LINGO2: variants seen among roughly 807,000 people sequenced by gnomAD.
LINGO2 encodes the protein leucine-rich repeat and immunoglobulin-like domain-containing nogo receptor-interacting protein 2.
In LINGO2, 14 loss-of-function variants were observed where a neutral mutation model predicts 30.6. The ratio of observed to expected loss-of-function variants is 0.46; its 90% CI spans 0.30 to 0.72. The LOEUF (loss-of-function observed/expected upper bound fraction) is 0.72, where lower values mean the gene tolerates loss of function less well. Among genes scored for constraint, LINGO2 ranks in the 30% least tolerant of loss-of-function variants. The pLI, the probability that LINGO2 is intolerant of heterozygous loss-of-function variation, is 0.07. For missense variants in LINGO2, 729 were observed against 751.7 expected, an observed-to-expected ratio of 0.97 and a Z score of 0.35; for synonymous variants, 317 against 288.5, an observed-to-expected ratio of 1.10 and a Z score of -1.00.
At chr9:29,095,110 CTT>C in the LINGO2 span, among the ~76,000 whole-genome samples, 8 of 138,536 alleles carry the variant, frequency 5.8e-5, 1 homozygote, top group African/African-American at 2.2e-4. Flanking sequence ...GAGTGCTTCT[CTT>C]TGTTTCATAC....
At chr9:28,133,365 A>G (rs1025927065) in intron 4 of LINGO2, among the ~76,000 whole-genome samples, 1 of 152,166 alleles carries the variant, frequency 6.6e-6, no homozygotes, top group African/African-American at 2.4e-5. Flanking sequence ...TGTCTGCTTC[A>G]TATTTATAAT....
intron 4 of LINGO2, among the ~76,000 whole-genome samples, chr9:28,102,854 T>C (rs1220280266): frequency 1.3e-5 from 2 of 152,148 alleles, no homozygotes; most frequent in Non-Finnish European, 2.9e-5. Flanking sequence ...CATTCTTCCA[T>C]GGAAGCCTGG....
At chr9:28,749,634 T>G in the LINGO2 span, among the ~76,000 whole-genome samples, 3 of 152,162 alleles carry the variant, frequency 2.0e-5, no homozygotes, top group Admixed American at 2.0e-4. Flanking sequence ...TTTATGTTAT[T>G]TTTTAAAATA....
the LINGO2 span, among the ~76,000 whole-genome samples, chr9:28,860,993 T>C: frequency 2.8e-5 from 3 of 107,718 alleles, no homozygotes; most frequent in African/African-American, 1.1e-4. Context: ...TATAATATAT[T>C]ATATTTATTA....
In LINGO2 at chr9:28,210,631, T is replaced by C. The variant is rs371209748; in HGVS notation, c.-87+84577A>G. 9.9e-5 allele frequency among the ~76,000 whole-genome samples: 15 copies of C among 151,728 alleles called. No homozygotes were observed. The South Asian group carries it at 2.9e-3, about 29-fold the overall frequency. On this transcript the variant is annotated intron_variant, in intron 4 of 5. Coordinates refer to ENST00000379992, the Ensembl canonical transcript of LINGO2. ...TGTACTTAATGTGACAGAATTACAA[T>C]CTTCTGCACCTATGTAAATTTGTGT...
chr9:28,851,939 G>A, the LINGO2 span, among the ~76,000 whole-genome samples: 2 of 151,590 alleles, frequency 1.3e-5, no homozygotes, highest in African/African-American at 4.8e-5. Flanking sequence ...AACTCAAGAG[G>A]TGACAATACT....
chr9:28,791,686 A>C, the LINGO2 span, among the ~76,000 whole-genome samples: 1 of 151,986 alleles, frequency 6.6e-6, no homozygotes, highest in Admixed American at 6.6e-5. Context: ...TGAATTAATA[A>C]ACAATCTAGA....
chr9:28,723,086 A>C, the LINGO2 span, among the ~76,000 whole-genome samples: 1 of 152,138 alleles, frequency 6.6e-6, no homozygotes, highest in Admixed American at 6.6e-5. Flanking sequence ...ATGTACACAC[A>C]GGTTTATTAA....
At chr9:28,512,599 A>G (rs1434961360) in intron 1 of LINGO2, among the ~76,000 whole-genome samples, 1,932 of 5,530 alleles carry the variant, frequency 0.35, 157 homozygotes, top group African/African-American at 0.4. Flanking sequence ...GTGTGTATAT[A>G]TATATATATA....
At chr9:28,200,514 A>T (rs927347586) in intron 4 of LINGO2, among the ~76,000 whole-genome samples, 2 of 151,834 alleles carry the variant, frequency 1.3e-5, no homozygotes, top group Non-Finnish European at 2.9e-5. Context: ...AAAAAAAAAA[A>T]TAACCATTTA....
At chr9:28,639,522 T>G (rs1446827601) in intron 1 of LINGO2, among the ~76,000 whole-genome samples, 1 of 152,212 alleles carries the variant, frequency 6.6e-6, no homozygotes, top group Non-Finnish European at 1.5e-5. Context: ...GGTGCATATA[T>G]ATTTAGGATA....
chr9:28,809,582 A>G, the LINGO2 span, among the ~76,000 whole-genome samples: 1 of 151,984 alleles, frequency 6.6e-6, no homozygotes, highest in African/African-American at 2.4e-5. Context: ...TGTCTCTACT[A>G]AAAATACAAC....
chr9:28,864,219 T>C, the LINGO2 span, among the ~76,000 whole-genome samples: 1 of 152,160 alleles, frequency 6.6e-6, no homozygotes, highest in Non-Finnish European at 1.5e-5. Flanking sequence ...TCTGCCCTTG[T>C]ACCCCTGAAC....
chr9:28,911,809 C>A, the LINGO2 span, among the ~76,000 whole-genome samples: 6,223 of 152,078 alleles, frequency 0.041, 196 homozygotes, highest in Admixed American at 0.082. Context: ...AAGAGATGTA[C>A]GTTCTCTCCA....
intron 3 of LINGO2, among the ~76,000 whole-genome samples, chr9:28,355,363 C>G (rs1328192922): frequency 8.7e-6 from 1 of 115,334 alleles, no homozygotes; most frequent in African/African-American, 3.4e-5. Flanking sequence ...CTCCCTCCCT[C>G]TGTGTGTGTG....
the LINGO2 span, among the ~76,000 whole-genome samples, chr9:28,937,204 T>C: frequency 5.5e-4 from 83 of 152,244 alleles, 1 homozygote; most frequent in Admixed American, 5.2e-3. Flanking sequence ...CCCATCTCAA[T>C]AGTCTTAAAA....
At chr9:28,160,468 C>T (rs891644385) in intron 4 of LINGO2, among the ~76,000 whole-genome samples, 1 of 152,290 alleles carries the variant, frequency 6.6e-6, no homozygotes, top group Admixed American at 6.5e-5. Flanking sequence ...TTATCTGCTA[C>T]CTTTCTGTTC....
the LINGO2 span, among the ~76,000 whole-genome samples, chr9:28,694,596 G>C: frequency 6.6e-6 from 1 of 151,850 alleles, no homozygotes; most frequent in Non-Finnish European, 1.5e-5. Flanking sequence ...ACACCTATGA[G>C]GTAGATAATG....
chr9:28,569,527 C>T (rs138505665), intron 1 of LINGO2, among the ~76,000 whole-genome samples: 2,136 of 150,694 alleles, frequency 0.014, 53 homozygotes, highest in African/African-American at 0.048. Context: ...ACAGAGAAGC[C>T]AGACACAGAA....
Sources: gnomAD v4.1 joint callset for allele counts (sites outside exome capture counted in the v4.1 genomes callset) on GRCh38, gnomAD v4.1.1 for gene constraint, MANE v1.5 for transcripts, NCBI Gene and HGNC (gene_info 2026-07-23, HGNC 2026-07-21) for gene names.